ADGRE3: variants seen among roughly 807,000 people sequenced by gnomAD.
The protein encoded by ADGRE3 is EGF-like module receptor 3.
In ADGRE3, 88 loss-of-function variants were observed where a neutral mutation model predicts 80.1. The observed-to-expected ratio is 1.10, with a 90% CI of 0.93 to 1.31. ADGRE3 has a LOEUF of 1.31. ADGRE3 is among the 40% of genes most tolerant of loss of function. The pLI is 0.00. For missense variants in ADGRE3, 715 were observed against 776.5 expected (o/e 0.92, Z 0.94); for synonymous variants, 281 against 294.8 (o/e 0.95, Z 0.48).
chr19:14,650,144 A>C (rs1475220047), intron 7 of ADGRE3, among the ~76,000 whole-genome samples: 14 of 108,422 alleles, frequency 1.3e-4, no homozygotes, highest in Admixed American at 3.1e-4. Context: ...CTCTCTACTC[A>C]TCTCTCTCTT....
intron 7 of ADGRE3, among the ~76,000 whole-genome samples, chr19:14,650,107 C>T (rs368668551): frequency 1.3e-3 from 136 of 108,746 alleles, no homozygotes; most frequent in Middle Eastern, 9.4e-3. Flanking sequence ...TCTTTCCATC[C>T]CTCTCCTCAT....
chr19:14,662,936 G>A (rs1159137923), intron 3 of ADGRE3, among the ~76,000 whole-genome samples: 1 of 151,046 alleles, frequency 6.6e-6, no homozygotes, highest in Non-Finnish European at 1.5e-5. Context: ...AAATTAGCTG[G>A]GCATGGTGGC....
intron 1 of ADGRE3, among the ~76,000 whole-genome samples, chr19:14,672,029 C>T (rs1236814286): frequency 2.0e-5 from 3 of 152,238 alleles, no homozygotes; most frequent in South Asian, 4.1e-4. Context: ...GCATTATATG[C>T]GTGAGGCACT....
At chr19:14,602,729 A>C in the ADGRE3 span, among the ~76,000 whole-genome samples, 1 of 150,722 alleles carries the variant, frequency 6.6e-6, no homozygotes, top group Non-Finnish European at 1.5e-5. Flanking sequence ...TATTTGTATG[A>C]GTAGTTAAAC....
chr19:14,618,238 C>CT (rs962866917), downstream of ADGRE3, among the ~76,000 whole-genome samples: 23 of 151,236 alleles, frequency 1.5e-4, no homozygotes, highest in East Asian at 3.9e-4. Context: ...ACTTTTTTTT[C>CT]TTTTTTTTGT....
In ADGRE3 at chr19:14,668,913, A is replaced by G. The variant is rs1049545885; in HGVS notation, c.26-61T>C. On this transcript the variant is annotated intron_variant, in intron 1 of 15. Coordinates refer to ENST00000253673, the MANE Select transcript of ADGRE3 (RefSeq NM_032571.5). ...AACAATTGAGGAGAGATTCCAAGAA[A>G]TGCCCCAAGGACTGTGTATCAGTTA... 2.0e-6 allele frequency: 3 copies of G among 1,494,088 alleles called. No homozygotes were observed. In the African/African-American group the frequency reaches 4.1e-5, roughly 21 times the overall value. The allele number at this position is 1,494,088 out of a possible 1,614,324, so 92.6% of individuals were successfully genotyped here.
intron 11 of ADGRE3, among the ~76,000 whole-genome samples, chr19:14,634,732 T>C (rs1173037105): frequency 1.3e-5 from 2 of 152,146 alleles, no homozygotes; most frequent in Admixed American, 1.3e-4. Flanking sequence ...GACCTAACTC[T>C]TGTGATCCGA....
chr19:14,642,799 A>G (rs1318144688), intron 9 of ADGRE3, among the ~76,000 whole-genome samples: 1 of 152,182 alleles, frequency 6.6e-6, no homozygotes, highest in Non-Finnish European at 1.5e-5. Context: ...TGTATTCCAT[A>G]TGTACCACAT....
At chr19:14,633,139 C>T in intron 12 of ADGRE3, 97 bp downstream of exon 12, 3 of 1,327,796 alleles carry the variant, frequency 2.3e-6, no homozygotes, top group Non-Finnish European at 3.2e-6. Context: ...GAAAATCAAA[C>T]CACCCAACAG....
Position 14,633,310 on chromosome 19 carries a change from C to T in ADGRE3, c.1485-8G>A, listed in dbSNP as rs1568479162. ...TCCAGGTGGAGCCAGCATCTAGGAA[C>T]AGTGGGAAAAGAGATACAAAGAGAG... On this transcript the variant is annotated splice_polypyrimidine_tract_variant and splice_region_variant and intron_variant, in intron 11 of 15. Coordinates refer to ENST00000253673, the MANE Select transcript of ADGRE3 (RefSeq NM_032571.5). 2 of 1,608,554 alleles carry T rather than the reference C, an allele frequency of 1.2e-6. No individual in the cohort carries two copies. Among genetic ancestry groups the T allele is most frequent in the African/African-American group, 1.3e-5 (1 of 74,944 alleles).
chr19:14,652,615 C>T (rs1323633815), intron 6 of ADGRE3, among the ~76,000 whole-genome samples: 1 of 151,378 alleles, frequency 6.6e-6, no homozygotes, highest in Non-Finnish European at 1.5e-5. Context: ...TCCCATTCTA[C>T]TAATACACAA....
At chr19:14,609,658 T>A in the ADGRE3 span, among the ~76,000 whole-genome samples, 1 of 150,982 alleles carries the variant, frequency 6.6e-6, no homozygotes, top group Non-Finnish European at 1.5e-5. Flanking sequence ...GCCAACATGG[T>A]GAAACCCCGT....
chr19:14,650,290 A>C (rs1599635578), intron 7 of ADGRE3, among the ~76,000 whole-genome samples: 6 of 119,858 alleles, frequency 5.0e-5, no homozygotes, highest in South Asian at 2.6e-4. Context: ...CTGTCTTTCC[A>C]CCACTCTCCC....
At chr19:14,610,395 A>G in the ADGRE3 span, 1 of 655,004 alleles carries the variant, frequency 1.5e-6, no homozygotes, top group Non-Finnish European at 2.6e-6. Context: ...TTGCCCTAGT[A>G]GATGGTGAGC....
chr19:14,647,248 G>T lies in ADGRE3; in HGVS notation c.815C>A (p.Ala272Asp). The change falls in exon 8 of 16, where the codon GCT becomes GAT. Residue 272 changes from alanine to aspartate, a missense_variant. Transcript: ENST00000253673. ...QVYLNSQVVS[A>D]AIGPKRNVSL... ...CACGTTCCTTTTGGGTCCAATAGCA[G>T]CACTCACAACCTGAGAGTTCAGATA... The T allele has an allele frequency of 6.2e-7, 1 of 1,613,812 alleles. No individual in the cohort carries two copies. The highest frequency in any genetic ancestry group is 8.5e-7 in the Non-Finnish European group (1 of 1,179,840).
At chr19:14,650,180 C>T (rs145553781) in intron 7 of ADGRE3, among the ~76,000 whole-genome samples, 19 of 148,724 alleles carry the variant, frequency 1.3e-4, no homozygotes, top group African/African-American at 4.7e-4. Flanking sequence ...ATCTCTCTCC[C>T]CCATCTCTCT....
At chr19:14,627,030 C>T (rs965519606) in intron 14 of ADGRE3, among the ~76,000 whole-genome samples, 5 of 152,136 alleles carry the variant, frequency 3.3e-5, no homozygotes, top group Admixed American at 6.6e-5. Context: ...ATGAGAGGGC[C>T]GTGGACAGCA....
chr19:14,606,788 T>A, the ADGRE3 span, among the ~76,000 whole-genome samples: 4 of 151,802 alleles, frequency 2.6e-5, no homozygotes, highest in African/African-American at 9.7e-5. Context: ...GCAGATTGCA[T>A]GAGAAAAAGT....
Position 14,638,179 on chromosome 19 carries a change from G to A in ADGRE3, c.1410C>T (p.Val470=), listed in dbSNP as rs201863044. The A allele has an allele frequency of 2.4e-5, 39 of 1,613,982 alleles. No homozygotes were observed. The highest frequency in any genetic ancestry group is 4.4e-5 in the South Asian group (4 of 91,068). The change falls in exon 11 of 16, where the codon GTC becomes GTT. Residue 470 remains valine, a synonymous_variant. Coordinates refer to ENST00000253673, the MANE Select transcript of ADGRE3 (RefSeq NM_032571.5). ...CAGTCACAGCGGGAACGCCATAGCC[G>A]ACTGGGAACATGATCCACTTCATGA... The part of the protein sequence containing the change: ...NRLMKWIMFP[V]GYGVPAVTVA...
Sources: allele counts gnomAD v4.1 joint callset (sites outside exome capture counted in the v4.1 genomes callset), GRCh38; gene constraint gnomAD v4.1.1; transcripts MANE v1.5; gene names NCBI Gene and HGNC (gene_info 2026-07-23, HGNC 2026-07-21).